POLN: variants seen among roughly 807,000 people sequenced by gnomAD.
POLN encodes DNA polymerase N.
Under a neutral mutation model 113.5 loss-of-function variants are expected in POLN, and 108 were observed. The observed-to-expected ratio is 0.95, with a 90% CI of 0.81 to 1.12. POLN has a LOEUF of 1.12. Among genes scored for constraint, POLN ranks in the 50% most tolerant of loss-of-function variants. The probability of loss-of-function intolerance (pLI) is 0.00; values close to 1 mark genes in which losing one functional copy is unlikely to be tolerated. For synonymous variants in POLN, 386 were observed against 391.5 expected (o/e 0.99, Z 0.17); for missense variants, 1,097 against 1,077.1 (o/e 1.02, Z -0.26).
intron 13 of POLN, among the ~76,000 whole-genome samples, chr4:2,164,501 CAAAA>C (rs35463696): frequency 3.7e-5 from 3 of 81,824 alleles, no homozygotes; most frequent in African/African-American, 1.4e-4. Flanking sequence ...AACTCTGTCT[CAAAA>C]AAAAAAAAAA....
chr4:2,116,385 T>C (rs1191273024), intron 19 of POLN, among the ~76,000 whole-genome samples: 1 of 152,240 alleles, frequency 6.6e-6, no homozygotes, highest in Non-Finnish European at 1.5e-5. Context: ...GAAAAGCTCA[T>C]CGCTTTCTGG....
rs2108746981 is a variant in POLN, at chr4:2,170,691, T to C, written c.1542A>G (p.Thr514=). ...PRTGLQKYPS[T]SEAVLNALRD... Reference sequence around the variant, plus strand: ...TCTGAAACCTTACCACTGCTTCTGATGTAGACGGGTATTTCTGCAACCCCG... The same window carrying C: ...TCTGAAACCTTACCACTGCTTCTGACGTAGACGGGTATTTCTGCAACCCCG... The change falls in exon 13 of 26, where the codon ACA becomes ACG. Residue 514 remains threonine, a synonymous_variant. Coordinates refer to ENST00000511885, the MANE Select transcript of POLN (RefSeq NM_181808.4). 6.2e-7 allele frequency: 1 copy of C among 1,613,390 alleles called. No homozygotes were observed. The highest frequency in any genetic ancestry group is 8.5e-7 in the Non-Finnish European group (1 of 1,179,294).
chr4:2,085,512 C>G, intron 21 of POLN, 101 bp downstream of exon 21: 1 of 1,513,414 alleles, frequency 6.6e-7, no homozygotes. Flanking sequence ...AAACCAACCT[C>G]AGGACCCAGG....
At chr4:2,176,206 C>T in intron 9 of POLN, 60 bp downstream of exon 9, 1 of 1,371,310 alleles carries the variant, frequency 7.3e-7, no homozygotes, top group South Asian at 1.2e-5. Flanking sequence ...GTGCGGGTGC[C>T]AATGAAAAGA....
intron 16 of POLN, among the ~76,000 whole-genome samples, chr4:2,153,379 G>C (rs1052783035): frequency 3.3e-5 from 5 of 152,098 alleles, no homozygotes; most frequent in African/African-American, 1.2e-4. Flanking sequence ...ATGTAGGTGT[G>C]AGAGAAGTGT....
At chr4:2,173,850 A>G (rs902142409) in intron 11 of POLN, 105 bp downstream of exon 11, 1 of 1,107,720 alleles carries the variant, frequency 9.0e-7, no homozygotes, top group Non-Finnish European at 1.4e-6. Flanking sequence ...AACACCAAAC[A>G]AGGAAGAGAA....
chr4:2,127,364 C>A lies in POLN; in HGVS notation c.1982+749G>T, dbSNP rs1731609920. Among the ~76,000 whole-genome samples the A allele has an allele frequency of 6.6e-6, 1 of 152,130 alleles. No homozygotes were observed. Among genetic ancestry groups the A allele is most frequent in the South Asian group, 2.1e-4 (1 of 4,812 alleles). On this transcript the variant is annotated intron_variant, in intron 19 of 25. Coordinates refer to ENST00000511885, the MANE Select transcript of POLN (RefSeq NM_181808.4). The surrounding 1 kb of genome is among the most constrained non-coding windows in gnomAD (Gnocchi z 4.7). ...TATAAGCCAAACACAATAATCCACT[C>A]CTCCTTTTTTCTGGAGTATAATCTC...
chr4:2,175,582 T>G (rs994085633), intron 9 of POLN, among the ~76,000 whole-genome samples: 8 of 152,228 alleles, frequency 5.3e-5, no homozygotes, highest in African/African-American at 1.9e-4. Flanking sequence ...TATCCGGGCC[T>G]TCCTGTGTTC....
At chr4:2,115,640 T>C (rs191178341) in intron 19 of POLN, among the ~76,000 whole-genome samples, 17 of 152,286 alleles carry the variant, frequency 1.1e-4, no homozygotes, top group Non-Finnish European at 5.9e-5. Flanking sequence ...AGAAAAATTA[T>C]TATATGCTAG....
chr4:2,155,247 G>A (rs1250216681), intron 16 of POLN, among the ~76,000 whole-genome samples: 1 of 152,190 alleles, frequency 6.6e-6, no homozygotes, highest in Non-Finnish European at 1.5e-5. Context: ...AGAGGAGATG[G>A]CACTGGTATT....
chr4:2,229,267 T>G (rs1489099584), intron 2 of POLN, 24 bp from the exon 3 acceptor site: 1 of 1,529,972 alleles, frequency 6.5e-7, no homozygotes, highest in African/African-American at 1.4e-5. Flanking sequence ...TAACATAAGA[T>G]AAATCCCATA....
intron 20 of POLN, chr4:2,089,371 G>A (rs927712166): frequency 1.9e-5 from 27 of 1,390,990 alleles, no homozygotes; most frequent in Non-Finnish European, 2.5e-5. Context: ...TTGTGACAGG[G>A]GAAAGGATCC....
intron 5 of POLN, among the ~76,000 whole-genome samples, chr4:2,202,723 C>CAAAA (rs34712930): frequency 2.7e-4 from 10 of 36,838 alleles, no homozygotes; most frequent in Admixed American, 1.2e-3. Flanking sequence ...GACTCTGTCT[C>CAAAA]AAAAAAAAAA....
chr4:2,096,716 GA>G, intron 19 of POLN, among the ~76,000 whole-genome samples: 1 of 151,604 alleles, frequency 6.6e-6, no homozygotes, highest in East Asian at 1.9e-4. Flanking sequence ...GAGAGAGAGA[GA>G]GAGAGAGAGA....
At chr4:2,148,200 C>A (rs886658645) in intron 16 of POLN, among the ~76,000 whole-genome samples, 3 of 151,920 alleles carry the variant, frequency 2.0e-5, no homozygotes, top group African/African-American at 4.8e-5. Context: ...GTGAACTAGA[C>A]AATATAGTAA....
intron 2 of POLN, 97 bp downstream of exon 2, chr4:2,241,423 C>A: frequency 1.2e-6 from 1 of 867,654 alleles, no homozygotes; most frequent in Non-Finnish European, 1.4e-6. Flanking sequence ...CAAACCCAAG[C>A]CACCAGGAGG....
At chr4:2,208,510 T>G in intron 4 of POLN, 23 bp from the exon 5 acceptor site, 1 of 1,472,370 alleles carries the variant, frequency 6.8e-7, no homozygotes, top group Non-Finnish European at 9.1e-7. Context: ...GGAAAATATT[T>G]CATTAGAATA....
At chr4:2,141,900 C>A (rs943072875) in intron 16 of POLN, among the ~76,000 whole-genome samples, 3 of 152,216 alleles carry the variant, frequency 2.0e-5, no homozygotes, top group Non-Finnish European at 4.4e-5. Context: ...TTTCCACCCA[C>A]GCTCTGAGTT....
intron 3 of POLN, among the ~76,000 whole-genome samples, chr4:2,214,882 T>C (rs985969898): frequency 2.0e-5 from 3 of 151,754 alleles, no homozygotes; most frequent in Non-Finnish European, 1.5e-5. Context: ...CACACACATA[T>C]ACACATACAT....
Sources: gnomAD v4.1 joint callset for allele counts (sites outside exome capture counted in the v4.1 genomes callset) on GRCh38, gnomAD v4.1.1 for gene constraint, Gnocchi (gnomAD v3.1) non-coding constraint, MANE v1.5 for transcripts, NCBI Gene and HGNC (gene_info 2026-07-23, HGNC 2026-07-21) for gene names.